TFDP2: variants seen among roughly 807,000 people sequenced by gnomAD.
The protein encoded by TFDP2 is transcription factor Dp-2 (E2F dimerization partner 2).
TFDP2 carries 17 observed loss-of-function variants against 59.3 expected under a neutral mutation model. The observed-to-expected ratio is 0.29, with a 90% CI of 0.20 to 0.43. TFDP2 has a LOEUF of 0.43. TFDP2 is among the 20% of genes least tolerant of loss of function. The pLI, the probability that TFDP2 is intolerant of heterozygous loss-of-function variation, is 1.00. For synonymous variants in TFDP2, 180 were observed against 194.7 expected, an observed-to-expected ratio of 0.92 and a Z score of 0.63; for missense variants, 391 against 528.8, an observed-to-expected ratio of 0.74 and a Z score of 2.56.
intron 3 of TFDP2, 169 bp downstream of exon 3, chr3:142,092,892 G>T: frequency 2.2e-6 from 1 of 448,750 alleles, no homozygotes; most frequent in Non-Finnish European, 3.9e-6. Flanking sequence ...AAAATCCTCC[G>T]TCTGTCAGAG....
chr3:142,065,509 GGTGT>G lies in TFDP2; in HGVS notation c.82+27548_82+27551del, dbSNP rs113935011. On this transcript the variant is annotated intron_variant, in intron 3 of 12. Transcript: ENST00000489671. ...TTCACTCTGTGTGTGTGTGTGTGTG[GGTGT>G]GTGTGTGTGTGTGTTTGAGACAGAG... Among the ~76,000 whole-genome samples the G allele has an allele frequency of 2.0e-3, 304 of 148,352 alleles. 3 individuals are homozygous for G. The highest frequency in any genetic ancestry group is 7.1e-3 in the African/African-American group (288 of 40,298).
In TFDP2 at chr3:141,977,773, C is replaced by T. The variant is rs555381921; in HGVS notation, c.519+747G>A. Among the ~76,000 whole-genome samples the T allele has an allele frequency of 4.6e-5, 7 of 151,716 alleles. No individual in the cohort carries two copies. The South Asian group carries it at 1.3e-3, about 27-fold the overall frequency. ...TCGCCCAGGCTGGAGTACAGTGGTG[C>T]GATCTTGGCTTACTGCAACCTCCGC... On this transcript the variant is annotated intron_variant, in intron 7 of 12. Coordinates refer to ENST00000489671, the MANE Select transcript of TFDP2 (RefSeq NM_001178139.2).
At chr3:142,026,611 T>C (rs1946118490) in intron 3 of TFDP2, among the ~76,000 whole-genome samples, 1 of 152,262 alleles carries the variant, frequency 6.6e-6, no homozygotes, top group Non-Finnish European at 1.5e-5. Flanking sequence ...TGCTCAGCAC[T>C]GATTTTTCAA....
intron 3 of TFDP2, chr3:142,054,028 T>C (rs753647425): frequency 1.2e-4 from 19 of 152,198 alleles, no homozygotes; most frequent in Non-Finnish European, 2.1e-4. Context: ...AGAACTCTCA[T>C]ACACATTGCT....
chr3:141,963,765 T>C (rs774579233), intron 10 of TFDP2, 47 bp downstream of exon 10: 1 of 1,549,488 alleles, frequency 6.5e-7, no homozygotes, highest in South Asian at 1.2e-5. Context: ...GATATGAAAA[T>C]GTTAACAGAA....
At chr3:141,989,770 G>A (rs1421939231) in intron 6 of TFDP2, among the ~76,000 whole-genome samples, 2 of 152,104 alleles carry the variant, frequency 1.3e-5, no homozygotes, top group Non-Finnish European at 2.9e-5. Context: ...AATATGCGAT[G>A]TAGATTTCTC....
intron 9 of TFDP2, among the ~76,000 whole-genome samples, chr3:141,968,173 A>T (rs1450493016): frequency 7.1e-6 from 1 of 141,658 alleles, no homozygotes; most frequent in Non-Finnish European, 1.5e-5. Flanking sequence ...GAGCATAGGA[A>T]TAAACTGTCA....
At chr3:142,061,872 T>TTC (rs145959548) in intron 3 of TFDP2, among the ~76,000 whole-genome samples, 1,480 of 70,344 alleles carry the variant, frequency 0.021, 157 homozygotes, top group African/African-American at 0.05. Context: ...ATCAATCAAT[T>TTC]TCTCTCTCTC....
intron 11 of TFDP2, among the ~76,000 whole-genome samples, chr3:141,956,858 G>A (rs761954813): frequency 2.0e-5 from 3 of 151,618 alleles, no homozygotes; most frequent in Non-Finnish European, 4.4e-5. Flanking sequence ...CCATGAGTTC[G>A]AGGCTGCAGT....
At chr3:142,125,471 G>C (rs2062200714) in intron 1 of TFDP2, among the ~76,000 whole-genome samples, 1 of 151,984 alleles carries the variant, frequency 6.6e-6, no homozygotes, top group Non-Finnish European at 1.5e-5. Flanking sequence ...TTTTTCTAGA[G>C]TCATATGAAA....
At chr3:142,148,638 A>T (rs1205197935) in intron 1 of TFDP2, among the ~76,000 whole-genome samples, 1 of 152,198 alleles carries the variant, frequency 6.6e-6, no homozygotes. Context: ...GATCCTAGGA[A>T]AACCCTTACA....
intron 3 of TFDP2, among the ~76,000 whole-genome samples, chr3:142,022,494 A>G (rs1464506085): frequency 1.3e-5 from 2 of 152,210 alleles, no homozygotes; most frequent in Non-Finnish European, 2.9e-5. Flanking sequence ...CCATCACAAC[A>G]GTCAATACAC....
chr3:142,076,390 T>C lies in TFDP2; in HGVS notation c.82+16671A>G, dbSNP rs1015195306. Among the ~76,000 whole-genome samples, 7 of 152,230 alleles carry C rather than the reference T, an allele frequency of 4.6e-5. No individual in the cohort carries two copies. In the East Asian group the frequency reaches 5.8e-4, roughly 13 times the overall value. Reference sequence around the variant, plus strand: ...AAATAAGATAGAGACAATCTAAGTGTTGGACAATGGGGGAATGGATAGGTA... The same window carrying C: ...AAATAAGATAGAGACAATCTAAGTGCTGGACAATGGGGGAATGGATAGGTA... On this transcript the variant is annotated intron_variant, in intron 3 of 12. Coordinates refer to ENST00000489671, the MANE Select transcript of TFDP2 (RefSeq NM_001178139.2).
chr3:142,147,358 C>T (rs79261513), intron 1 of TFDP2, among the ~76,000 whole-genome samples: 1,713 of 152,234 alleles, frequency 0.011, 34 homozygotes, highest in African/African-American at 0.039. Flanking sequence ...CTTCTGAGAT[C>T]CATTATAACA....
rs1326094698 is a variant in TFDP2, at chr3:142,149,471, G to T, written c.-381C>A. ...CGCAGCCGAGATCGCTACCGATTTC[G>T]TCCGCCCTCTCCCTGCCCAGCTACA... On this transcript the variant is annotated 5_prime_UTR_variant, in exon 1 of 13. Coordinates refer to ENST00000489671, the MANE Select transcript of TFDP2 (RefSeq NM_001178139.2). 2.7e-6 allele frequency: 1 copy of T among 368,950 alleles called. No homozygotes were observed. Among genetic ancestry groups the T allele is most frequent in the African/African-American group, 2.1e-5 (1 of 47,578 alleles). 22.9% of individuals were successfully genotyped at this position (368,950 alleles called of 1,614,324 possible). A position where few individuals can be genotyped will look rare whatever the true frequency, so the allele number is the denominator to read the frequency against.
chr3:141,987,714 G>A (rs933414611), intron 6 of TFDP2, among the ~76,000 whole-genome samples: 35 of 150,102 alleles, frequency 2.3e-4, no homozygotes, highest in African/African-American at 8.3e-4. Flanking sequence ...GATCACTTGA[G>A]GTCAGGAGTT....
chr3:141,965,549 G>A (rs1333732274), intron 9 of TFDP2, among the ~76,000 whole-genome samples: 6 of 144,930 alleles, frequency 4.1e-5, no homozygotes, highest in Non-Finnish European at 7.6e-5. Context: ...GGGAGGGGAA[G>A]GGGAAGGGGG....
intron 3 of TFDP2, among the ~76,000 whole-genome samples, chr3:142,070,919 G>C (rs2108545668): frequency 6.6e-6 from 1 of 152,244 alleles, no homozygotes; most frequent in African/African-American, 2.4e-5. Context: ...GTGGAAATAA[G>C]ACCTAAGCTT....
intron 3 of TFDP2, among the ~76,000 whole-genome samples, chr3:142,062,109 A>C (rs998869563): frequency 1.7e-4 from 26 of 151,654 alleles, no homozygotes; most frequent in African/African-American, 6.3e-4. Flanking sequence ...ATGACAAACC[A>C]CTTACACTTA....
Sources: gnomAD v4.1 joint callset for allele counts (sites outside exome capture counted in the v4.1 genomes callset) on GRCh38, gnomAD v4.1.1 for gene constraint, MANE v1.5 for transcripts, NCBI Gene and HGNC (gene_info 2026-07-23, HGNC 2026-07-21) for gene names.